Variants in WNT3A observed in about 807,000 individuals in gnomAD.
WNT3A encodes Wnt family member 3A, also known as protein Wnt-3a.
WNT3A carries 17 observed loss-of-function variants against 37.0 expected under a neutral mutation model. That is an observed-to-expected ratio of 0.46 (90% CI 0.31 to 0.69). The LOEUF (loss-of-function observed/expected upper bound fraction) is 0.69, where lower values mean the gene tolerates loss of function less well. Among genes scored for constraint, WNT3A ranks in the 30% least tolerant of loss-of-function variants. The probability of loss-of-function intolerance (pLI) is 0.05; values close to 1 mark genes in which losing one functional copy is unlikely to be tolerated. For synonymous variants in WNT3A, 187 were observed against 211.0 expected (o/e 0.89, Z 0.99); for missense variants, 411 against 510.2 (o/e 0.81, Z 1.87).
chr1:228,029,041 C>A (rs1334811772), intron 2 of WNT3A, among the ~76,000 whole-genome samples: 1 of 152,232 alleles, frequency 6.6e-6, no homozygotes, highest in Non-Finnish European at 1.5e-5. Flanking sequence ...AACTATCCAC[C>A]CACCTGGGGA....
In WNT3A at chr1:228,061,010, T is replaced by A. The variant is rs2031795184; in HGVS notation, c.*1545T>A. ...CAATGGCCCGGCCCCTCCTGACTCATCCGCCTGGCCCGGGAATGAATGGGG... is the reference window on the plus strand; with the variant it reads ...CAATGGCCCGGCCCCTCCTGACTCAACCGCCTGGCCCGGGAATGAATGGGG... On this transcript the variant is annotated 3_prime_UTR_variant, in exon 4 of 4. Transcript: ENST00000284523. 1 of 152,586 alleles carries A rather than the reference T, an allele frequency of 6.6e-6. No individual in the cohort carries two copies. The highest frequency in any genetic ancestry group is 1.5e-5 in the Non-Finnish European group (1 of 68,092). 9.5% of individuals were successfully genotyped at this position (152,586 alleles called of 1,614,324 possible). A position where few individuals can be genotyped will look rare whatever the true frequency, so the allele number is the denominator to read the frequency against.
rs780765818 is a variant in WNT3A at position 228,055,114 on chromosome 1, GT to G, written c.580-3862del. Among the ~76,000 whole-genome samples the G allele has an allele frequency of 5.9e-3, 630 of 107,260 alleles. 5 individuals carry two copies. Among genetic ancestry groups the G allele is most frequent in the African/African-American group, 0.022 (594 of 27,200 alleles). The allele number at this position is 107,260 out of a possible 152,430, so 70.4% of individuals were successfully genotyped here. A position where few individuals can be genotyped will look rare whatever the true frequency, so the allele number is the denominator to read the frequency against. ...GCACCATTACACTCCAGCCTGGGCA[GT>G]TTTTTTTTTGGAAACTGGGAGTTTT... On this transcript the variant is annotated intron_variant, in intron 3 of 3. Transcript: ENST00000284523.
chr1:228,024,303 A>G (rs1403533059), intron 2 of WNT3A, among the ~76,000 whole-genome samples: 1 of 152,216 alleles, frequency 6.6e-6, no homozygotes, highest in African/African-American at 2.4e-5. Context: ...TGAGGGTTCC[A>G]GATTCATCCT....
intron 2 of WNT3A, among the ~76,000 whole-genome samples, chr1:228,045,695 G>A (rs1400941607): frequency 2.6e-5 from 4 of 152,168 alleles, no homozygotes; most frequent in Non-Finnish European, 5.9e-5. Context: ...CAGGGGTGGG[G>A]GCTTTAAGTT....
chr1:228,057,367 T>C (rs1216948130), intron 3 of WNT3A, among the ~76,000 whole-genome samples: 2 of 152,120 alleles, frequency 1.3e-5, no homozygotes, highest in Non-Finnish European at 2.9e-5. Flanking sequence ...TCAAGAGGTG[T>C]CAAGACAAGT....
intron 1 of WNT3A, among the ~76,000 whole-genome samples, chr1:228,009,313 A>C (rs901869437): frequency 1.3e-5 from 2 of 152,168 alleles, no homozygotes; most frequent in African/African-American, 4.8e-5. Flanking sequence ...CCCCGGCAGC[A>C]TAGGGAAGAA....
chr1:228,026,239 G>A (rs1046063155), intron 2 of WNT3A, among the ~76,000 whole-genome samples: 1 of 151,982 alleles, frequency 6.6e-6, no homozygotes, highest in Non-Finnish European at 1.5e-5. Flanking sequence ...CATATAAATT[G>A]ATGTCATCTG....
intron 3 of WNT3A, among the ~76,000 whole-genome samples, chr1:228,055,169 AAAAAAAAAAAAT>A (rs1558296012): frequency 1.4e-5 from 1 of 70,530 alleles, no homozygotes; most frequent in East Asian, 4.9e-4. Flanking sequence ...AAAAAAAAAA[AAAAAAAAAAAAT>A]ATATATATAT....
rs1375953120 is a variant in WNT3A at position 228,039,681 on chromosome 1, C to T, written c.314-10975C>T. 6.6e-6 allele frequency among the ~76,000 whole-genome samples: 1 copy of T among 152,132 alleles called. No individual in the cohort carries two copies. Among genetic ancestry groups the T allele is most frequent in the Non-Finnish European group, 1.5e-5 (1 of 68,014 alleles). On this transcript the variant is annotated intron_variant, in intron 2 of 3. Transcript: ENST00000284523. The surrounding 1 kb of genome is among the most constrained non-coding windows in gnomAD (Gnocchi z 4.1). ...CCCTTTAAGATATAGGTGCCCCCCA[C>T]CCCAGTTGAACTTGGGTCCCCAGGG... is the stretch of plus-strand genomic sequence containing the variant.
intron 2 of WNT3A, among the ~76,000 whole-genome samples, chr1:228,041,838 C>G (rs1018863811): frequency 6.6e-5 from 10 of 152,088 alleles, no homozygotes; most frequent in African/African-American, 2.2e-4. Flanking sequence ...GGTTCATTCT[C>G]CTTACCAAGG....
At chr1:228,009,774 G>A (rs1266847196) in intron 1 of WNT3A, among the ~76,000 whole-genome samples, 2 of 152,176 alleles carry the variant, frequency 1.3e-5, no homozygotes, top group Non-Finnish European at 2.9e-5. Flanking sequence ...AGAGGGAGAG[G>A]CAAAGGTGTC....
At chr1:228,032,464 T>C (rs892805589) in intron 2 of WNT3A, among the ~76,000 whole-genome samples, 11 of 152,340 alleles carry the variant, frequency 7.2e-5, no homozygotes, top group African/African-American at 2.6e-4. Context: ...AGGAAAGGCC[T>C]ATGAACGAGT....
intron 2 of WNT3A, among the ~76,000 whole-genome samples, chr1:228,028,813 G>A (rs2030919158): frequency 6.6e-6 from 1 of 152,164 alleles, no homozygotes; most frequent in Non-Finnish European, 1.5e-5. Flanking sequence ...TTCTTCAGCG[G>A]GGTTGGCTGC....
chr1:228,048,123 C>G lies in WNT3A; in HGVS notation c.314-2533C>G, dbSNP rs117328731. Among the ~76,000 whole-genome samples, 693 of 152,322 alleles carry G rather than the reference C, an allele frequency of 4.5e-3. 23 individuals carry two copies. Among genetic ancestry groups the G allele is most frequent in the East Asian group, 0.039 (200 of 5,180 alleles). ...CTCTGCCAAGGAGGAGCAGGGGACACTGTGGGACGTAGCCCTGTATCCCCG... is the reference window on the plus strand; with the variant it reads ...CTCTGCCAAGGAGGAGCAGGGGACAGTGTGGGACGTAGCCCTGTATCCCCG... On this transcript the variant is annotated intron_variant, in intron 2 of 3. Coordinates refer to ENST00000284523, the MANE Select transcript of WNT3A (RefSeq NM_033131.4).
At chr1:228,044,778 T>C (rs1254146986) in intron 2 of WNT3A, among the ~76,000 whole-genome samples, 1 of 152,234 alleles carries the variant, frequency 6.6e-6, no homozygotes, top group Non-Finnish European at 1.5e-5. Context: ...AGAGACCTTG[T>C]GGCTTCAACT....
rs753644442 is a variant in WNT3A at position 228,007,083 on chromosome 1, C to A, written c.-46C>A. ...AGGGCCCGGCCCCCCCCGGCGCTCA[C>A]GCTCTCGGGGCGGACTCCCGGCCCT... On this transcript the variant is annotated 5_prime_UTR_variant, in exon 1 of 4. Transcript: ENST00000284523. The surrounding 1 kb of genome is among the most constrained non-coding windows in gnomAD (Gnocchi z 6.0). The A allele has an allele frequency of 5.5e-6, 8 of 1,454,998 alleles. No individual in the cohort carries two copies. In the African/African-American group the frequency reaches 7.4e-5, roughly 14 times the overall value. The allele number at this position is 1,454,998 out of a possible 1,614,324, so 90.1% of individuals were successfully genotyped here.
At chr1:228,018,332 A>C (rs1002351175) in intron 1 of WNT3A, among the ~76,000 whole-genome samples, 3 of 152,020 alleles carry the variant, frequency 2.0e-5, no homozygotes, top group Non-Finnish European at 2.9e-5. Flanking sequence ...GGGCATCTGC[A>C]TTCTCCTTGG....
chr1:228,052,574 G>A (rs986311984), intron 3 of WNT3A, among the ~76,000 whole-genome samples: 1 of 152,334 alleles, frequency 6.6e-6, no homozygotes, highest in East Asian at 1.9e-4. Context: ...GGGCAGTGAC[G>A]GGCGTAAGGA....
intron 2 of WNT3A, among the ~76,000 whole-genome samples, chr1:228,041,374 T>A (rs1394416367): frequency 6.6e-6 from 1 of 151,974 alleles, no homozygotes; most frequent in Non-Finnish European, 1.5e-5. Flanking sequence ...TCCGACTTTA[T>A]CCATCCATCC....
Sources: allele counts gnomAD v4.1 joint callset (sites outside exome capture counted in the v4.1 genomes callset), GRCh38; gene constraint gnomAD v4.1.1; non-coding constraint Gnocchi (gnomAD v3.1); transcripts MANE v1.5; gene names NCBI Gene and HGNC (gene_info 2026-07-23, HGNC 2026-07-21).